NRG1: variants seen among roughly 807,000 people sequenced by gnomAD.
The protein encoded by NRG1 is neuregulin 1.
In NRG1, 18 loss-of-function variants were observed where a neutral mutation model predicts 63.8. The ratio of observed to expected loss-of-function variants is 0.28; its 90% CI spans 0.19 to 0.42. The LOEUF (loss-of-function observed/expected upper bound fraction) is 0.42. Ranked by LOEUF, NRG1 falls within the 10% of genes least tolerant of loss-of-function variation. NRG1 has a pLI of 1.00. For missense variants in NRG1, 762 were observed against 814.7 expected, an observed-to-expected ratio of 0.94 and a Z score of 0.79; for synonymous variants, 302 against 301.3, an observed-to-expected ratio of 1.00 and a Z score of -0.02.
At chr8:32,274,724 A>T (rs1851907613) in intron 1 of NRG1, among the ~76,000 whole-genome samples, 1 of 152,192 alleles carries the variant, frequency 6.6e-6, no homozygotes. Flanking sequence ...ATCCACAGGA[A>T]GCCAAACAAA....
chr8:31,878,985 G>A (rs576582511), intron 1 of NRG1, among the ~76,000 whole-genome samples: 35 of 152,036 alleles, frequency 2.3e-4, no homozygotes, highest in Non-Finnish European at 5.0e-4. Flanking sequence ...GGGCGACAGA[G>A]CAAGACTCCA....
chr8:31,927,831 C>T (rs1356516824), intron 1 of NRG1, among the ~76,000 whole-genome samples: 1 of 150,868 alleles, frequency 6.6e-6, no homozygotes, highest in Non-Finnish European at 1.5e-5. Context: ...GCTATAATCT[C>T]AACCCTTGAG....
chr8:32,682,550 T>G (rs938181631), intron 5 of NRG1, among the ~76,000 whole-genome samples: 1 of 152,204 alleles, frequency 6.6e-6, no homozygotes, highest in Non-Finnish European at 1.5e-5. Context: ...ATTGGCTGGT[T>G]TCTAGAAGAT....
chr8:32,768,589 C>T (rs374537066), downstream of NRG1, among the ~76,000 whole-genome samples: 2 of 152,154 alleles, frequency 1.3e-5, no homozygotes, highest in South Asian at 2.1e-4. Flanking sequence ...CAGGGAGGAG[C>T]CTTTGCATGA....
At chr8:31,903,210 G>T (rs897210562) in intron 1 of NRG1, among the ~76,000 whole-genome samples, 3 of 147,864 alleles carry the variant, frequency 2.0e-5, no homozygotes, top group East Asian at 4.1e-4. Flanking sequence ...GTGCAGTGGC[G>T]CAATCTCGGC....
intron 1 of NRG1, among the ~76,000 whole-genome samples, chr8:32,170,916 C>T (rs935315582): frequency 3.9e-5 from 6 of 152,188 alleles, no homozygotes; most frequent in Non-Finnish European, 1.5e-5. Context: ...CAGATCCTTC[C>T]CTGCTTCCTC....
At chr8:32,567,098 A>G (rs1038265392) in intron 1 of NRG1, among the ~76,000 whole-genome samples, 1 of 152,158 alleles carries the variant, frequency 6.6e-6, no homozygotes, top group African/African-American at 2.4e-5. Context: ...TCGGCCTCCC[A>G]AAGTGCTGGG....
chr8:32,145,061 A>C (rs1350621672), intron 1 of NRG1, among the ~76,000 whole-genome samples: 1 of 152,180 alleles, frequency 6.6e-6, no homozygotes, highest in African/African-American at 2.4e-5. Flanking sequence ...GCTCTGCGAG[A>C]TATCCTAATC....
intron 9 of NRG1, among the ~76,000 whole-genome samples, chr8:32,757,881 T>C (rs1420270630): frequency 6.6e-6 from 1 of 152,192 alleles, no homozygotes; most frequent in Non-Finnish European, 1.5e-5. Context: ...TTGTTAAGTA[T>C]TTTTTTCATT....
At chr8:32,390,078 G>T (rs920447016) in intron 1 of NRG1, among the ~76,000 whole-genome samples, 1 of 151,956 alleles carries the variant, frequency 6.6e-6, no homozygotes, top group African/African-American at 2.4e-5. Flanking sequence ...CTTACTGTTC[G>T]TCATTTTTTT....
At chr8:32,540,577 G>C (rs530940594) in intron 1 of NRG1, among the ~76,000 whole-genome samples, 1 of 152,110 alleles carries the variant, frequency 6.6e-6, no homozygotes, top group East Asian at 1.9e-4. Flanking sequence ...TAATTTTTTT[G>C]TGCCTGGATA....
intron 1 of NRG1, among the ~76,000 whole-genome samples, chr8:32,273,060 C>A (rs1851715737): frequency 6.6e-6 from 1 of 152,076 alleles, no homozygotes; most frequent in Non-Finnish European, 1.5e-5. Context: ...CATAAATTTG[C>A]CAAAGTTAGA....
At chr8:31,762,093 A>C (rs931121509) in intron 1 of NRG1, among the ~76,000 whole-genome samples, 2 of 152,174 alleles carry the variant, frequency 1.3e-5, no homozygotes, top group African/African-American at 4.8e-5. Flanking sequence ...TTTTTTTAAA[A>C]ATTTCTTCTA....
chr8:32,762,059 A>AGCAAAC (rs1554668851), intron 11 of NRG1, among the ~76,000 whole-genome samples: 1 of 148,180 alleles, frequency 6.7e-6, no homozygotes, highest in African/African-American at 2.6e-5. Flanking sequence ...AAAAAAAAAA[A>AGCAAAC]ACATTCTGGA....
At chr8:32,248,589 A>G (rs979932544) in intron 1 of NRG1, among the ~76,000 whole-genome samples, 3 of 152,058 alleles carry the variant, frequency 2.0e-5, no homozygotes, top group Non-Finnish European at 4.4e-5. Flanking sequence ...CTTCAATCCA[A>G]GGTTTTAAAT....
At chr8:32,730,358 T>C (rs1483100504) in intron 6 of NRG1, among the ~76,000 whole-genome samples, 5 of 151,980 alleles carry the variant, frequency 3.3e-5, no homozygotes, top group African/African-American at 1.2e-4. Context: ...GAGGCTAAGG[T>C]GGGGGGATCA....
At chr8:32,337,495 A>T (rs1803423562) in intron 1 of NRG1, among the ~76,000 whole-genome samples, 1 of 151,836 alleles carries the variant, frequency 6.6e-6, no homozygotes, top group African/African-American at 2.4e-5. Flanking sequence ...CTTCAGAGGA[A>T]TTCAGACTTA....
chr8:32,522,122 C>T (rs184003118), intron 1 of NRG1, among the ~76,000 whole-genome samples: 142 of 152,280 alleles, frequency 9.3e-4, no homozygotes, highest in Non-Finnish European at 1.7e-3. Flanking sequence ...GAGAAAGAAT[C>T]AGTCCTTTGG....
intron 1 of NRG1, among the ~76,000 whole-genome samples, chr8:32,322,325 C>T (rs1023756481): frequency 2.0e-5 from 3 of 149,460 alleles, no homozygotes; most frequent in Non-Finnish European, 4.4e-5. Flanking sequence ...CACTAAATAA[C>T]GATAAACCTT....
Sources: gnomAD v4.1 joint callset for allele counts (sites outside exome capture counted in the v4.1 genomes callset) on GRCh38, gnomAD v4.1.1 for gene constraint, MANE v1.5 for transcripts, NCBI Gene and HGNC (gene_info 2026-07-23, HGNC 2026-07-21) for gene names.